ATP11B: variants seen among roughly 807,000 people sequenced by gnomAD.
ATP11B encodes ATPase phospholipid transporting 11B (putative), also known as phospholipid-transporting ATPase IF.
A neutral mutation model predicts 157.8 loss-of-function variants in ATP11B; 81 were observed. That is an observed-to-expected ratio of 0.51 (90% CI 0.43 to 0.62). The LOEUF is 0.62. Ranked by LOEUF, ATP11B falls within the 20% of genes least tolerant of loss-of-function variation. ATP11B has a pLI of 0.00. For synonymous variants in ATP11B, 451 were observed against 469.4 expected (o/e 0.96, Z 0.51); for missense variants, 1,165 against 1,402.2 (o/e 0.83, Z 2.70).
At position 182,873,961 on chromosome 3, in the gene ATP11B, T is replaced by C. The variant is rs144746302; in HGVS notation, c.2198T>C (p.Ile733Thr). Residue 733 changes from isoleucine to threonine, a missense_variant, in exon 19 of 30, where the codon ATA becomes ACA. Physicochemically the swap from Ile to Thr is moderately conservative, Grantham distance 89 (BLOSUM62 -1). Coordinates refer to ENST00000323116, the MANE Select transcript of ATP11B (RefSeq NM_014616.3). ...FHRTMNILEL[I>T]NQKSDSECAE... The stretch of plus-strand genomic sequence containing the variant: ...AGAACCATGAACATCCTTGAACTTA[T>C]AAACCAGAAATCAGACAGCGAGTGT... The C allele has an allele frequency of 1.4e-4, 220 of 1,614,022 alleles. No individual in the cohort carries two copies. The highest frequency in any genetic ancestry group is 2.5e-4 in the South Asian group (23 of 91,088).
intron 9 of ATP11B, among the ~76,000 whole-genome samples, chr3:182,846,853 G>T (rs1287715181): frequency 6.6e-6 from 1 of 152,110 alleles, no homozygotes; most frequent in Non-Finnish European, 1.5e-5. Flanking sequence ...TGCTTAATGG[G>T]TACAGGGTTT....
Position 182,857,920 on chromosome 3 carries a change from A to G in ATP11B, c.894A>G (p.Ile298Met). 1 of 1,571,628 alleles carries G rather than the reference A, an allele frequency of 6.4e-7. No individual in the cohort carries two copies. The highest frequency in any genetic ancestry group is 1.3e-5 in the African/African-American group (1 of 74,328). ...TGATAATTTATCTAGTAATTCTTAT[A>G]TCTGAAGCTGTCATCAGCACTATCT... Reference protein sequence around the residue: ...TFLIIYLVILISEAVISTILK... With the variant: ...TFLIIYLVILMSEAVISTILK... Residue 298 changes from isoleucine to methionine, a missense_variant, in exon 11 of 30, where the codon ATA becomes ATG. Ile to Met is a conservative substitution (Grantham distance 10). Around this residue, in one of 4 missense-constraint regions of ATP11B, gnomAD observed 737 missense variants for 930.5 expected, o/e 0.79. Coordinates refer to ENST00000323116, the MANE Select transcript of ATP11B (RefSeq NM_014616.3).
intron 24 of ATP11B, among the ~76,000 whole-genome samples, chr3:182,888,260 T>C (rs1211498296): frequency 2.6e-5 from 4 of 152,162 alleles, no homozygotes; most frequent in Non-Finnish European, 4.4e-5. Flanking sequence ...TATAGAGTCA[T>C]CTCATTATCT....
intron 1 of ATP11B, among the ~76,000 whole-genome samples, chr3:182,809,990 A>G (rs1192897119): frequency 1.3e-5 from 2 of 152,216 alleles, no homozygotes; most frequent in African/African-American, 2.4e-5. Flanking sequence ...GTTATTATGC[A>G]GGGTAAATGA....
At chr3:182,879,726 T>C in intron 20 of ATP11B, 77 bp downstream of exon 20, 2 of 1,334,842 alleles carry the variant, frequency 1.5e-6, no homozygotes, top group Non-Finnish European at 2.0e-6. Flanking sequence ...ATGCCTTACA[T>C]AGTTCCATTT....
intron 1 of ATP11B, among the ~76,000 whole-genome samples, chr3:182,803,338 A>G (rs1339926084): frequency 1.3e-5 from 2 of 152,196 alleles, no homozygotes; most frequent in Non-Finnish European, 2.9e-5. Flanking sequence ...AATTTCATTC[A>G]CATGAATAGA....
chr3:182,835,120 G>A (rs928879018), intron 4 of ATP11B, among the ~76,000 whole-genome samples: 1 of 152,028 alleles, frequency 6.6e-6, no homozygotes, highest in Non-Finnish European at 1.5e-5. Context: ...GCTGTCTCAG[G>A]GGTGGCAGAG....
At position 182,858,231 on chromosome 3, in the gene ATP11B, G is replaced by A. The variant is rs115048564; in HGVS notation, c.1002+203G>A. ...TTTGTAGTTTACGGCATAAAAAGTTGTATTCCCTGTGGCATGACTTGAATA... is the reference window on the plus strand; with the variant it reads ...TTTGTAGTTTACGGCATAAAAAGTTATATTCCCTGTGGCATGACTTGAATA... On this transcript the variant is annotated intron_variant, in intron 11 of 29. Transcript: ENST00000323116. 5.5e-3 allele frequency among the ~76,000 whole-genome samples: 833 copies of A among 152,320 alleles called. 9 individuals carry two copies. The highest frequency in any genetic ancestry group is 0.019 in the African/African-American group (787 of 41,568).
At chr3:182,892,117 G>C (rs1019264324) in intron 25 of ATP11B, among the ~76,000 whole-genome samples, 2 of 152,094 alleles carry the variant, frequency 1.3e-5, no homozygotes, top group Non-Finnish European at 2.9e-5. Flanking sequence ...CACCTTGCTG[G>C]CTCTCAGAAT....
At chr3:182,800,573 AG>A (rs796223465) in intron 1 of ATP11B, among the ~76,000 whole-genome samples, 30 of 152,194 alleles carry the variant, frequency 2.0e-4, no homozygotes, top group African/African-American at 5.8e-4. Flanking sequence ...TAATGCATTC[AG>A]TAAACATTCA....
At chr3:182,865,721 A>C (rs1721182936) in intron 13 of ATP11B, 23 bp downstream of exon 13, 1 of 1,569,238 alleles carries the variant, frequency 6.4e-7, no homozygotes. Flanking sequence ...TAAATTAATA[A>C]ATAAGGGTTT....
intron 7 of ATP11B, among the ~76,000 whole-genome samples, chr3:182,841,079 G>T (rs1437401600): frequency 6.6e-6 from 1 of 150,692 alleles, no homozygotes; most frequent in East Asian, 2.0e-4. Context: ...AGTTTTCCTT[G>T]AACATACCAT....
Position 182,820,305 on chromosome 3 carries a change from G to T in ATP11B, c.73G>T (p.Ala25Ser). The change falls in exon 2 of 30, where the codon GCC becomes TCC. Residue 25 changes from alanine (A) to serine (S), a missense_variant. This residue lies in a region of ATP11B where 91 missense variants were observed against 95.8 expected (regional missense o/e 0.95). Transcript: ENST00000323116. ...HQSDTRTIYVANRFPQNGLYT... is the reference protein window; with the variant it reads ...HQSDTRTIYVSNRFPQNGLYT... ...GAGTGACACAAGAACCATCTACGTA[G>T]CCAACAGGTTTCCTCAGAATGGCCT... The T allele has an allele frequency of 6.2e-7, 1 of 1,614,138 alleles. No individual in the cohort carries two copies. The highest frequency in any genetic ancestry group is 2.2e-5 in the East Asian group (1 of 44,882).
At chr3:182,855,528 G>A (rs1273639840) in intron 10 of ATP11B, among the ~76,000 whole-genome samples, 2 of 152,134 alleles carry the variant, frequency 1.3e-5, no homozygotes, top group African/African-American at 4.8e-5. Context: ...TTAATAAGTT[G>A]TAGTTAATCA....
At chr3:182,859,514 G>A (rs1191939092) in intron 12 of ATP11B, among the ~76,000 whole-genome samples, 155 bp downstream of exon 12, 3 of 151,902 alleles carry the variant, frequency 2.0e-5, no homozygotes, top group East Asian at 3.9e-4. Context: ...TAAACCCTAA[G>A]TTGTTTCTTT....
rs1725282900 is a variant in ATP11B, at chr3:182,918,608, G to T, written c.*504G>T. ...GTTAATGTGAATACTGAGGAATTTT[G>T]GTCCCTCAGTGACCTGTGTTGTTAA... On this transcript the variant is annotated 3_prime_UTR_variant, in exon 30 of 30. Coordinates refer to ENST00000323116, the MANE Select transcript of ATP11B (RefSeq NM_014616.3). The T allele has an allele frequency of 2.7e-6, 1 of 371,162 alleles. No homozygotes were observed. The highest frequency in any genetic ancestry group is 4.5e-5 in the Admixed American group (1 of 22,098). 23.0% of individuals were successfully genotyped at this position (371,162 alleles called of 1,614,324 possible). A position where few individuals can be genotyped will look rare whatever the true frequency, so the allele number is the denominator to read the frequency against.
chr3:182,828,142 C>T lies in ATP11B; in HGVS notation c.167C>T (p.Pro56Leu). ...SSKYTVWNFVPKNLFEQFRRV... is the reference protein window; with the variant it reads ...SSKYTVWNFVLKNLFEQFRRV... ...TAGTACACTGTGTGGAATTTTGTTC[C>T]AAAAAATTTATTTGAACAGTTCAGA... The change falls in exon 3 of 30, where the codon CCA becomes CTA. Residue 56 changes from proline to leucine, a missense_variant. Pro to Leu is a moderately conservative substitution (Grantham distance 98, BLOSUM62 -3). This residue lies in a region of ATP11B where 91 missense variants were observed against 95.8 expected (regional missense o/e 0.95). Transcript: ENST00000323116. The T allele has an allele frequency of 1.4e-6, 2 of 1,470,576 alleles. No individual in the cohort carries two copies. The highest frequency in any genetic ancestry group is 1.8e-6 in the Non-Finnish European group (2 of 1,096,868). The allele number at this position is 1,470,576 out of a possible 1,614,324, so 91.1% of individuals were successfully genotyped here. A position where few individuals can be genotyped will look rare whatever the true frequency, so the allele number is the denominator to read the frequency against.
chr3:182,847,023 C>A (rs1375682501), intron 9 of ATP11B, among the ~76,000 whole-genome samples: 1 of 151,468 alleles, frequency 6.6e-6, no homozygotes, highest in Non-Finnish European at 1.5e-5. Context: ...GCTTTTAGAT[C>A]CTCTAATATA....
rs1433790171 is a variant in ATP11B, at chr3:182,921,305, G to GAGTT, written c.*3203_*3206dup. 6.6e-6 allele frequency: 1 copy of GAGTT among 152,088 alleles called. No homozygotes were observed. Among genetic ancestry groups the GAGTT allele is most frequent in the South Asian group, 2.1e-4 (1 of 4,822 alleles). 9.4% of individuals were successfully genotyped at this position (152,088 alleles called of 1,614,324 possible). On this transcript the variant is annotated 3_prime_UTR_variant, in exon 30 of 30. Coordinates refer to ENST00000323116, the MANE Select transcript of ATP11B (RefSeq NM_014616.3). ...AGACATTTTATTTCTATTTTGAAAT[G>GAGTT]AGTTATCTATTTTCATAAAAGTAAA...
Sources: allele counts gnomAD v4.1 joint callset (sites outside exome capture counted in the v4.1 genomes callset), GRCh38; gene constraint gnomAD v4.1.1; regional missense constraint gnomAD v4.1.1; transcripts MANE v1.5; gene names NCBI Gene and HGNC (gene_info 2026-07-23, HGNC 2026-07-21).